ATL2: variants seen among roughly 807,000 people sequenced by gnomAD.
The protein encoded by ATL2 is atlastin-2.
Under a neutral mutation model 73.9 loss-of-function variants are expected in ATL2, and 31 were observed. That is an observed-to-expected ratio of 0.42 (90% CI 0.32 to 0.57). The LOEUF is 0.57. Ranked by LOEUF, ATL2 falls within the 20% of genes least tolerant of loss-of-function variation. The pLI, the probability that ATL2 is intolerant of heterozygous loss-of-function variation, is 0.14. For synonymous variants in ATL2, 291 were observed against 237.5 expected (o/e 1.23, Z -2.07); for missense variants, 738 against 702.6 (o/e 1.05, Z -0.57).
intron 1 of ATL2, among the ~76,000 whole-genome samples, chr2:38,356,658 C>G (rs904094275): frequency 1.3e-5 from 2 of 152,214 alleles, no homozygotes; most frequent in African/African-American, 4.8e-5. Context: ...ACAAAGTTTT[C>G]CAGTATAACC....
rs1458889994 is a variant in ATL2, at chr2:38,343,346, T to C, written c.285A>G (p.Val95=). ...LQEHIRDLNI[V]VVSVAGAFRK... ...GAAAAGCTCCTGCCACAGATACCAC[T>C]ACTATGTTAAGATCTCGTATGTGCT... Residue 95 remains valine, a synonymous_variant, in exon 2 of 13, where the codon GTA becomes GTG. Transcript: ENST00000378954. The C allele has an allele frequency of 2.5e-6, 4 of 1,611,936 alleles. No homozygotes were observed. The highest frequency in any genetic ancestry group is 3.4e-6 in the Non-Finnish European group (4 of 1,179,556).
chr2:38,296,649 T>A (rs1324663336), intron 12 of ATL2: 1 of 1,592,386 alleles, frequency 6.3e-7, no homozygotes. Flanking sequence ...GCTAAAGAGT[T>A]TAAGACTACA....
rs180852967 is a variant in ATL2, at chr2:38,360,569, C to T, written c.118+16574G>A. On this transcript the variant is annotated intron_variant, in intron 1 of 12. Transcript: ENST00000378954. ...AAGTGCTGGGATTCCAGGAGTGGGC[C>T]ACCACACCCAGCCTCGGGGAACTCT... 5.3e-5 allele frequency among the ~76,000 whole-genome samples: 8 copies of T among 152,210 alleles called. No homozygotes were observed. The East Asian group carries it at 1.5e-3, about 29-fold the overall frequency.
At chr2:38,315,893 C>T (rs1668002371) in intron 4 of ATL2, among the ~76,000 whole-genome samples, 1 of 152,122 alleles carries the variant, frequency 6.6e-6, no homozygotes, top group South Asian at 2.1e-4. Context: ...ATTTTACTGG[C>T]CTGTGGAAGC....
At chr2:38,320,218 T>C (rs1033840021) in intron 2 of ATL2, among the ~76,000 whole-genome samples, 1 of 152,196 alleles carries the variant, frequency 6.6e-6, no homozygotes, top group East Asian at 1.9e-4. Context: ...CAGGAAAATA[T>C]GAACCCAAAC....
intron 1 of ATL2, among the ~76,000 whole-genome samples, chr2:38,366,209 AAC>A (rs907814958): frequency 1.6e-4 from 24 of 152,262 alleles, no homozygotes; most frequent in African/African-American, 5.5e-4. Flanking sequence ...GTAGTAAATA[AAC>A]ACACACGCTC....
At chr2:38,301,376 T>C (rs188080558) in intron 9 of ATL2, among the ~76,000 whole-genome samples, 1 of 152,300 alleles carries the variant, frequency 6.6e-6, no homozygotes, top group African/African-American at 2.4e-5. Flanking sequence ...AATATCAAAT[T>C]GACAACTATC....
chr2:38,305,772 A>G (rs1667418384), intron 9 of ATL2, among the ~76,000 whole-genome samples: 1 of 152,198 alleles, frequency 6.6e-6, no homozygotes, highest in Non-Finnish European at 1.5e-5. Flanking sequence ...TATATGGGAT[A>G]CAGCGTTAAG....
chr2:38,373,577 G>A (rs1271668321), intron 1 of ATL2, among the ~76,000 whole-genome samples: 13 of 152,086 alleles, frequency 8.5e-5, no homozygotes, highest in South Asian at 4.1e-4. Flanking sequence ...ACTATCATCC[G>A]ACCATACACC....
chr2:38,349,357 G>T (rs574696607), intron 1 of ATL2, among the ~76,000 whole-genome samples: 5 of 151,626 alleles, frequency 3.3e-5, no homozygotes, highest in African/African-American at 1.2e-4. Flanking sequence ...AAAATGATGA[G>T]TTCATGTCCT....
rs374786147 is a variant in ATL2 at position 38,315,279 on chromosome 2, C to T, written c.654+5G>A. The T allele has an allele frequency of 1.9e-5, 28 of 1,482,752 alleles. No homozygotes were observed. Among genetic ancestry groups the T allele is most frequent in the East Asian group, 5.5e-5 (2 of 36,486 alleles). The allele number at this position is 1,482,752 out of a possible 1,614,324, so 91.8% of individuals were successfully genotyped here. ...AAAATAAAAATTAAAAAAAGAAATA[C>T]GTACTTGCAAATGTTGAAGATCATC... On this transcript the variant is annotated splice_donor_5th_base_variant and intron_variant, in intron 5 of 12. Coordinates refer to ENST00000378954, the MANE Select transcript of ATL2 (RefSeq NM_001135673.4).
At position 38,346,844 on chromosome 2, in the gene ATL2, A is replaced by G. The variant is rs114395781; in HGVS notation, c.119-3332T>C. On this transcript the variant is annotated intron_variant, in intron 1 of 12. Transcript: ENST00000378954. The stretch of plus-strand genomic sequence containing the variant: ...ACCCCAGGTTTAAACTAGGTAGCCA[A>G]ACTAACCTTTCATCAGATCCTCATG... Among the ~76,000 whole-genome samples the G allele has an allele frequency of 2.2e-3, 333 of 152,272 alleles. 1 individual carries two copies. Among genetic ancestry groups the G allele is most frequent in the Non-Finnish European group, 2.7e-3 (182 of 68,014 alleles).
intron 1 of ATL2, chr2:38,376,073 G>A (rs1368278138): frequency 4.3e-6 from 6 of 1,402,468 alleles, no homozygotes; most frequent in South Asian, 1.6e-5. Flanking sequence ...ACACGAGCTC[G>A]TATCTGTATT....
intron 1 of ATL2, among the ~76,000 whole-genome samples, chr2:38,369,278 C>T (rs1573597174): frequency 6.6e-6 from 1 of 150,968 alleles, no homozygotes; most frequent in South Asian, 2.1e-4. Flanking sequence ...AGTGAAACCC[C>T]CATCTCTACT....
rs78652746 is a variant in ATL2, at chr2:38,339,490, G to A, written c.363+3778C>T. Among the ~76,000 whole-genome samples the A allele has an allele frequency of 5.3e-3, 807 of 152,030 alleles. 11 individuals are homozygous for A. The highest frequency in any genetic ancestry group is 5.4e-3 in the Non-Finnish European group (366 of 67,990). On this transcript the variant is annotated intron_variant, in intron 2 of 12. Transcript: ENST00000378954. ...ACTAGGTAAAGGATTCAGGTATACA[G>A]GCTCTCTTTGTTATATTCCAATATA...
chr2:38,297,437 C>T (rs893070670), intron 12 of ATL2, among the ~76,000 whole-genome samples: 3 of 152,110 alleles, frequency 2.0e-5, no homozygotes, highest in Non-Finnish European at 2.9e-5. Context: ...CATCCATAAG[C>T]GGTCCACAGG....
chr2:38,313,057 C>T (rs537578924), intron 7 of ATL2, 94 bp downstream of exon 7: 26 of 805,904 alleles, frequency 3.2e-5, no homozygotes, highest in Middle Eastern at 2.3e-4. Flanking sequence ...TCCAACGACA[C>T]GTAAATACTG....
intron 2 of ATL2, among the ~76,000 whole-genome samples, chr2:38,323,356 T>TG (rs1668428282): frequency 1.5e-5 from 2 of 133,956 alleles, no homozygotes; most frequent in Admixed American, 7.3e-5. Flanking sequence ...GAAGTTTTTT[T>TG]TTTTTTTTTT....
At chr2:38,369,886 T>C (rs1671566588) in intron 1 of ATL2, among the ~76,000 whole-genome samples, 1 of 147,294 alleles carries the variant, frequency 6.8e-6, no homozygotes, top group Non-Finnish European at 1.5e-5. Flanking sequence ...GCGCGGTGGC[T>C]CACGCCAGTA....
Sources: gnomAD v4.1 joint callset for allele counts (sites outside exome capture counted in the v4.1 genomes callset) on GRCh38, gnomAD v4.1.1 for gene constraint, MANE v1.5 for transcripts, NCBI Gene and HGNC (gene_info 2026-07-23, HGNC 2026-07-21) for gene names.